The following RBFOX1 variants were observed in gnomAD, a reference collection of about 807,000 sequenced individuals.
RBFOX1 encodes RNA binding protein fox-1 homolog 1.
Under a neutral mutation model 57.7 loss-of-function variants are expected in RBFOX1, and 8 were observed. The ratio of observed to expected loss-of-function variants is 0.14; its 90% CI spans 0.08 to 0.25. The LOEUF (loss-of-function observed/expected upper bound fraction) is 0.25. Among genes scored for constraint, RBFOX1 ranks in the 10% least tolerant of loss-of-function variants. The probability of loss-of-function intolerance (pLI) is 1.00; values close to 1 mark genes in which losing one functional copy is unlikely to be tolerated. For synonymous variants in RBFOX1, 326 were observed against 222.4 expected, an observed-to-expected ratio of 1.47 and a Z score of -4.15; for missense variants, 611 against 548.5, an observed-to-expected ratio of 1.11 and a Z score of -1.14.
chr16:6,809,484 C>A (rs1432056685), intron 3 of RBFOX1, among the ~76,000 whole-genome samples: 1 of 152,126 alleles, frequency 6.6e-6, no homozygotes, highest in African/African-American at 2.4e-5. Flanking sequence ...TTATCTTCCT[C>A]ATCTACATTG....
chr16:6,156,352 C>T (rs893657543), intron 1 of RBFOX1, among the ~76,000 whole-genome samples: 5 of 152,112 alleles, frequency 3.3e-5, no homozygotes, highest in Non-Finnish European at 5.9e-5. Flanking sequence ...TTTTCTAGCC[C>T]CACCCAGTGA....
intron 4 of RBFOX1, among the ~76,000 whole-genome samples, chr16:7,165,977 C>CAT (rs2079431054): frequency 7.1e-6 from 1 of 141,178 alleles, no homozygotes; most frequent in African/African-American, 2.6e-5. Context: ...TACATACATA[C>CAT]ACCCCAGATT....
chr16:7,517,887 G>A (rs1420771406), intron 4 of RBFOX1, among the ~76,000 whole-genome samples: 1 of 151,694 alleles, frequency 6.6e-6, no homozygotes, highest in East Asian at 1.9e-4. Context: ...ATTAGGCTGG[G>A]TGGCTTGGAA....
chr16:5,977,937 G>C lies in RBFOX1; in HGVS notation c.351+110602G>C, dbSNP rs112070374. On this transcript the variant is annotated intron_variant, in intron 4 of 19. Transcript: ENST00000641259. Reference sequence around the variant, plus strand: ...TTCCCTGCTAAAATCGATATTCCATGATATCCAGACATTGCCATGCTGGCT... The same window carrying C: ...TTCCCTGCTAAAATCGATATTCCATCATATCCAGACATTGCCATGCTGGCT... 1.2e-3 allele frequency among the ~76,000 whole-genome samples: 184 copies of C among 151,850 alleles called. 1 individual carries two copies. The highest frequency in any genetic ancestry group is 3.2e-3 in the African/African-American group (131 of 41,404).
chr16:6,020,636 C>G (rs1036461375), intron 1 of RBFOX1, among the ~76,000 whole-genome samples: 1 of 152,172 alleles, frequency 6.6e-6, no homozygotes, highest in East Asian at 1.9e-4. Context: ...CCTTAGAGAA[C>G]CTTCACCCCA....
At chr16:6,861,507 A>T (rs1364312378) in intron 3 of RBFOX1, among the ~76,000 whole-genome samples, 2 of 132,922 alleles carry the variant, frequency 1.5e-5, no homozygotes, top group Non-Finnish European at 3.2e-5. Context: ...ACTCAATTAC[A>T]AGAATAATTG....
intron 3 of RBFOX1, among the ~76,000 whole-genome samples, chr16:6,943,394 A>T (rs2078901757): frequency 6.6e-6 from 1 of 152,130 alleles, no homozygotes; most frequent in Non-Finnish European, 1.5e-5. Context: ...GACAGACAAG[A>T]CTGAAAATCT....
At chr16:5,636,146 G>A (rs901842175) in intron 3 of RBFOX1, among the ~76,000 whole-genome samples, 5 of 152,222 alleles carry the variant, frequency 3.3e-5, no homozygotes, top group South Asian at 4.2e-4. Flanking sequence ...TCAGGAGTTC[G>A]AGACCAGCCT....
intron 1 of RBFOX1, among the ~76,000 whole-genome samples, chr16:5,252,990 C>T (rs1018655796): frequency 7.2e-5 from 11 of 152,174 alleles, no homozygotes; most frequent in South Asian, 4.1e-4. Flanking sequence ...TTGGATCCAC[C>T]GCCGGTGTGC....
At chr16:5,561,763 G>A (rs549341752) in intron 2 of RBFOX1, among the ~76,000 whole-genome samples, 129 of 152,058 alleles carry the variant, frequency 8.5e-4, no homozygotes, top group African/African-American at 3.1e-3. Context: ...TGGGGTGAGA[G>A]GGTCACTTGT....
intron 3 of RBFOX1, among the ~76,000 whole-genome samples, chr16:5,698,050 G>C (rs951742329): frequency 4.6e-5 from 7 of 152,072 alleles, no homozygotes; most frequent in African/African-American, 1.2e-4. Context: ...AGGAGTTCTG[G>C]TTTTGAATCG....
At chr16:5,895,513 A>T (rs967582858) in intron 4 of RBFOX1, among the ~76,000 whole-genome samples, 1 of 152,232 alleles carries the variant, frequency 6.6e-6, no homozygotes, top group African/African-American at 2.4e-5. Context: ...CTGCGTTTTC[A>T]TTCGGAAATG....
At chr16:6,878,069 C>T (rs8059495) in intron 3 of RBFOX1, among the ~76,000 whole-genome samples, 65 of 152,056 alleles carry the variant, frequency 4.3e-4, no homozygotes, top group Non-Finnish European at 8.7e-4. Context: ...AAGGGTAGGA[C>T]AGATAGAAGA....
intron 4 of RBFOX1, among the ~76,000 whole-genome samples, chr16:7,218,641 T>C (rs376288934): frequency 0.022 from 3,153 of 141,102 alleles, 135 homozygotes; most frequent in African/African-American, 0.08. Flanking sequence ...TGTGTGTGTG[T>C]GTGTGTGTGT....
intron 1 of RBFOX1, among the ~76,000 whole-genome samples, chr16:5,323,384 G>T (rs1363908051): frequency 6.6e-6 from 1 of 152,170 alleles, no homozygotes; most frequent in East Asian, 1.9e-4. Flanking sequence ...CATGACCCAT[G>T]AATGGGTCGT....
intron 3 of RBFOX1, among the ~76,000 whole-genome samples, chr16:5,857,041 T>TAACAAA (rs2057089794): frequency 6.6e-6 from 1 of 152,192 alleles, no homozygotes; most frequent in Non-Finnish European, 1.5e-5. Context: ...TCACAAAGTT[T>TAACAAA]AATCATTAGT....
intron 4 of RBFOX1, among the ~76,000 whole-genome samples, chr16:7,501,315 C>A (rs542313956): frequency 6.6e-6 from 1 of 152,364 alleles, no homozygotes; most frequent in South Asian, 2.1e-4. Flanking sequence ...TCAGCTCTCT[C>A]TCTGTTCTTA....
intron 4 of RBFOX1, among the ~76,000 whole-genome samples, chr16:7,441,180 C>G (rs1478092118): frequency 1.3e-5 from 2 of 152,182 alleles, no homozygotes; most frequent in East Asian, 1.9e-4. Flanking sequence ...GCCCAGGAAA[C>G]TCAGGAAATT....
At chr16:6,236,136 C>G (rs1022348076) in intron 1 of RBFOX1, among the ~76,000 whole-genome samples, 3 of 152,190 alleles carry the variant, frequency 2.0e-5, no homozygotes, top group African/African-American at 7.2e-5. Context: ...AAAACATATT[C>G]CATACTTTAT....
Sources: gnomAD v4.1 joint callset for allele counts (sites outside exome capture counted in the v4.1 genomes callset) on GRCh38, gnomAD v4.1.1 for gene constraint, MANE v1.5 for transcripts, NCBI Gene and HGNC (gene_info 2026-07-23, HGNC 2026-07-21) for gene names.